NRCAM: variants seen among roughly 807,000 people sequenced by gnomAD.
The protein encoded by NRCAM is neuronal cell adhesion molecule, also known as NgCAM-related cell adhesion molecule.
A neutral mutation model predicts 156.5 loss-of-function variants in NRCAM; 83 were observed. The observed-to-expected ratio is 0.53, with a 90% CI of 0.44 to 0.64. The LOEUF is 0.64. Ranked by LOEUF, NRCAM falls within the 30% of genes least tolerant of loss-of-function variation. The pLI is 0.00. For synonymous variants in NRCAM, 538 were observed against 563.9 expected (o/e 0.95, Z 0.65); for missense variants, 1,417 against 1,597.3 (o/e 0.89, Z 1.92).
At chr7:108,387,382 T>C (rs1015087919) in intron 2 of NRCAM, among the ~76,000 whole-genome samples, 8 of 152,106 alleles carry the variant, frequency 5.3e-5, no homozygotes, top group African/African-American at 1.9e-4. Context: ...TATTGTCCAA[T>C]TGGTCAGAAC....
intron 1 of NRCAM, among the ~76,000 whole-genome samples, chr7:108,417,844 C>T (rs1803644484): frequency 1.3e-5 from 2 of 152,180 alleles, no homozygotes; most frequent in South Asian, 4.1e-4. Context: ...GACAGTCACT[C>T]ATTGCCCAGC....
At chr7:108,152,756 AT>A (rs1315083695) in intron 32 of NRCAM, among the ~76,000 whole-genome samples, 2 of 152,150 alleles carry the variant, frequency 1.3e-5, no homozygotes, top group African/African-American at 4.8e-5. Flanking sequence ...AAAGTCTAAA[AT>A]ATTTAGTTGG....
chr7:108,425,547 G>A (rs1373586242), intron 1 of NRCAM, among the ~76,000 whole-genome samples: 1 of 152,160 alleles, frequency 6.6e-6, no homozygotes, highest in African/African-American at 2.4e-5. Flanking sequence ...AGTCTGTCAA[G>A]ATACAGAAAT....
In NRCAM at chr7:108,418,172, G is replaced by A. The variant is rs116298361; in HGVS notation, c.-331-18579C>T. On this transcript the variant is annotated intron_variant, in intron 1 of 32. Transcript: ENST00000379028. ...CTTGAGTCATGGCTACCACAGGTCT[G>A]CATTTCTGTGGTCTTCCCCACAGTT... Among the ~76,000 whole-genome samples, 270 of 152,222 alleles carry A rather than the reference G, an allele frequency of 1.8e-3. 4 individuals are homozygous for A. The highest frequency in any genetic ancestry group is 6.1e-3 in the African/African-American group (254 of 41,538).
chr7:108,160,751 G>T (rs1353144151), intron 30 of NRCAM, among the ~76,000 whole-genome samples: 1 of 152,130 alleles, frequency 6.6e-6, no homozygotes, highest in African/African-American at 2.4e-5. Flanking sequence ...TGAACACTGT[G>T]TTCACAGTTA....
intron 13 of NRCAM, 172 bp downstream of exon 13, chr7:108,207,356 A>G: frequency 3.6e-6 from 2 of 553,374 alleles, no homozygotes; most frequent in Non-Finnish European, 6.2e-6. Flanking sequence ...ATTCACATTC[A>G]TAATAAATAT....
intron 1 of NRCAM, among the ~76,000 whole-genome samples, chr7:108,428,967 C>T (rs1024542024): frequency 2.0e-5 from 3 of 150,990 alleles, no homozygotes; most frequent in African/African-American, 7.3e-5. Flanking sequence ...TTTTTAAAGG[C>T]TTCCAAGGAT....
chr7:108,198,132 C>A, intron 13 of NRCAM, 33 bp from the exon 14 acceptor site: 1 of 1,557,532 alleles, frequency 6.4e-7, no homozygotes, highest in South Asian at 1.2e-5. Flanking sequence ...AGTATTTATT[C>A]CTATTTGCTT....
intron 1 of NRCAM, among the ~76,000 whole-genome samples, chr7:108,453,269 A>G (rs1003988172): frequency 9.2e-5 from 14 of 152,228 alleles, no homozygotes; most frequent in African/African-American, 2.9e-4. Context: ...TTTATATTCA[A>G]TCTGTTACAC....
At chr7:108,396,621 G>A (rs920685641) in intron 2 of NRCAM, among the ~76,000 whole-genome samples, 1 of 152,178 alleles carries the variant, frequency 6.6e-6, no homozygotes, top group African/African-American at 2.4e-5. Context: ...AAATGTTTGA[G>A]GTGATGGATA....
At chr7:108,443,454 C>G (rs980525448) in intron 1 of NRCAM, among the ~76,000 whole-genome samples, 3 of 152,198 alleles carry the variant, frequency 2.0e-5, no homozygotes, top group Admixed American at 2.0e-4. Context: ...TTATAGCTAG[C>G]TGCAAAATTC....
intron 3 of NRCAM, among the ~76,000 whole-genome samples, chr7:108,249,413 A>G (rs1028552377): frequency 6.6e-6 from 1 of 152,248 alleles, no homozygotes; most frequent in Non-Finnish European, 1.5e-5. Flanking sequence ...ATGTTGTATT[A>G]TAAAGAACTT....
chr7:108,203,012 G>A (rs955310690), intron 13 of NRCAM, among the ~76,000 whole-genome samples: 14 of 152,150 alleles, frequency 9.2e-5, no homozygotes, highest in African/African-American at 3.4e-4. Context: ...CACCAGAATG[G>A]CACAGGCTCT....
At chr7:108,376,272 C>T (rs908487068) in intron 2 of NRCAM, among the ~76,000 whole-genome samples, 2 of 152,136 alleles carry the variant, frequency 1.3e-5, no homozygotes, top group Non-Finnish European at 2.9e-5. Flanking sequence ...TGGGGTTCAT[C>T]CATTTCATCA....
intron 3 of NRCAM, among the ~76,000 whole-genome samples, chr7:108,269,860 T>C (rs527951625): frequency 6.6e-6 from 1 of 152,214 alleles, no homozygotes; most frequent in African/African-American, 2.4e-5. Context: ...CTTTTAGGAG[T>C]AGCAAGGAGT....
At chr7:108,435,976 C>CA (rs1351002115) in intron 1 of NRCAM, among the ~76,000 whole-genome samples, 4 of 151,832 alleles carry the variant, frequency 2.6e-5, no homozygotes, top group Admixed American at 1.3e-4. Flanking sequence ...ACTGAAAATA[C>CA]AAAAAAAATT....
intron 2 of NRCAM, among the ~76,000 whole-genome samples, chr7:108,356,168 C>G (rs560390818): frequency 1.3e-5 from 2 of 152,066 alleles, no homozygotes. Flanking sequence ...AGGCTGGTCT[C>G]GAACTCCTGA....
Position 108,273,258 on chromosome 7 carries a change from C to T in NRCAM, c.-106-33088G>A, listed in dbSNP as rs144098084. On this transcript the variant is annotated intron_variant, in intron 3 of 32. Coordinates refer to ENST00000379028, the MANE Select transcript of NRCAM (RefSeq NM_001037132.4). ...CATGATTTATAATCCTTTGGGTATACACTCAGTAATGGGATGGCTGGGTCA... is the reference window on the plus strand; with the variant it reads ...CATGATTTATAATCCTTTGGGTATATACTCAGTAATGGGATGGCTGGGTCA... Among the ~76,000 whole-genome samples the T allele has an allele frequency of 3.9e-3, 601 of 152,242 alleles. 7 individuals are homozygous for T. Among genetic ancestry groups the T allele is most frequent in the African/African-American group, 0.014 (574 of 41,554 alleles).
intron 3 of NRCAM, among the ~76,000 whole-genome samples, chr7:108,241,336 C>T (rs1239546234): frequency 2.0e-5 from 3 of 152,116 alleles, no homozygotes; most frequent in African/African-American, 7.2e-5. Flanking sequence ...TGAGCACAAA[C>T]ATATTAATAG....
Sources: gnomAD v4.1 joint callset for allele counts (sites outside exome capture counted in the v4.1 genomes callset) on GRCh38, gnomAD v4.1.1 for gene constraint, MANE v1.5 for transcripts, NCBI Gene and HGNC (gene_info 2026-07-23, HGNC 2026-07-21) for gene names.